Variants in MEIKIN observed in about 807,000 individuals in gnomAD.
The protein encoded by MEIKIN is meiotic kinetochore factor, also known as meiosis-specific kinetochore protein.
intron 8 of MEIKIN, among the ~76,000 whole-genome samples, chr5:131,894,613 G>C (rs528454448): frequency 2.0e-5 from 3 of 152,174 alleles, no homozygotes; most frequent in Admixed American, 1.3e-4. Flanking sequence ...GAGGTCATTT[G>C]CATCCCTTGT....
chr5:131,889,015 A>G (rs1321177863), intron 8 of MEIKIN, among the ~76,000 whole-genome samples: 1 of 152,146 alleles, frequency 6.6e-6, no homozygotes, highest in African/African-American at 2.4e-5. Flanking sequence ...AACATCAGAT[A>G]GTTGTAGATA....
intron 9 of MEIKIN, among the ~76,000 whole-genome samples, chr5:131,876,107 A>C (rs1045070686): frequency 1.3e-5 from 2 of 152,338 alleles, no homozygotes; most frequent in Admixed American, 1.3e-4. Context: ...TGTCTAAAAC[A>C]CCAGAAGCAA....
intron 12 of MEIKIN, among the ~76,000 whole-genome samples, chr5:131,811,663 G>C (rs920379429): frequency 6.6e-6 from 1 of 151,720 alleles, no homozygotes; most frequent in African/African-American, 2.4e-5. Context: ...CTGGAGTGCA[G>C]TGGCACGATC....
intron 9 of MEIKIN, among the ~76,000 whole-genome samples, chr5:131,877,487 A>G (rs1750636135): frequency 6.6e-6 from 1 of 152,094 alleles, no homozygotes; most frequent in African/African-American, 2.4e-5. Flanking sequence ...TACCAAAAAT[A>G]TGAAAATTAG....
At chr5:131,817,548 G>A (rs973070403) in intron 12 of MEIKIN, among the ~76,000 whole-genome samples, 5 of 151,642 alleles carry the variant, frequency 3.3e-5, no homozygotes, top group Non-Finnish European at 5.9e-5. Context: ...CCTGGGAGAC[G>A]GAGCTTGCAG....
At chr5:131,844,664 A>G (rs1749977904) in intron 11 of MEIKIN, among the ~76,000 whole-genome samples, 1 of 152,234 alleles carries the variant, frequency 6.6e-6, no homozygotes, top group African/African-American at 2.4e-5. Flanking sequence ...TGAGGCCAGT[A>G]AAAGAACTAT....
At chr5:131,872,319 G>T (rs1289441106) in intron 9 of MEIKIN, among the ~76,000 whole-genome samples, 7 of 152,242 alleles carry the variant, frequency 4.6e-5, no homozygotes, top group African/African-American at 9.6e-5. Flanking sequence ...TGATGGAGCT[G>T]AAAACCACGG....
chr5:131,835,628 C>G (rs1749792681), intron 11 of MEIKIN, among the ~76,000 whole-genome samples: 1 of 152,148 alleles, frequency 6.6e-6, no homozygotes, highest in South Asian at 2.1e-4. Flanking sequence ...GAGTCTCGCT[C>G]TGTTACCCAG....
rs559586586 is a variant in MEIKIN, at chr5:131,941,956, A to G, written c.349+679T>C. On this transcript the variant is annotated intron_variant, in intron 4 of 12. Transcript: ENST00000442687. Reference sequence around the variant, plus strand: ...ATCAGCACCCTTTTTTCCATCTCCAATGTCACCACCCTAGTAGAAGGCGCC... The same window carrying G: ...ATCAGCACCCTTTTTTCCATCTCCAGTGTCACCACCCTAGTAGAAGGCGCC... Among the ~76,000 whole-genome samples, 3 of 151,994 alleles carry G rather than the reference A, an allele frequency of 2.0e-5. No homozygotes were observed. In the East Asian group the frequency reaches 5.8e-4, roughly 29 times the overall value.
intron 11 of MEIKIN, among the ~76,000 whole-genome samples, chr5:131,847,667 ACAAT>A (rs1750042658): frequency 6.6e-6 from 1 of 152,126 alleles, no homozygotes; most frequent in Non-Finnish European, 1.5e-5. Context: ...TAGAGGACTT[ACAAT>A]CAATTAAGTG....
chr5:131,863,436 A>G (rs1171221507), intron 9 of MEIKIN, among the ~76,000 whole-genome samples: 1 of 151,890 alleles, frequency 6.6e-6, no homozygotes. Context: ...GTCTCTCTTT[A>G]GATCTAGCAA....
intron 5 of MEIKIN, among the ~76,000 whole-genome samples, chr5:131,927,970 C>T (rs1292712832): frequency 1.3e-5 from 2 of 151,678 alleles, no homozygotes; most frequent in East Asian, 1.9e-4. Flanking sequence ...ACGGTGAAAC[C>T]CCGTCTCTAC....
At chr5:131,905,316 T>C (rs925884117) in intron 8 of MEIKIN, among the ~76,000 whole-genome samples, 2 of 152,144 alleles carry the variant, frequency 1.3e-5, no homozygotes, top group Non-Finnish European at 2.9e-5. Flanking sequence ...GGGAAGTTTA[T>C]AGCACTAAAA....
At chr5:131,812,248 G>T (rs1442381081) in intron 12 of MEIKIN, among the ~76,000 whole-genome samples, 1 of 152,088 alleles carries the variant, frequency 6.6e-6, no homozygotes, top group Non-Finnish European at 1.5e-5. Flanking sequence ...ACTTTATATT[G>T]TTGATTTTCA....
chr5:131,850,680 A>G lies in MEIKIN; in HGVS notation c.975+584T>C, dbSNP rs573604212. ...TACTATACACAAAAATTAACTCAAA[A>G]TGGATCAATGACCTAAATACAAGAC... On this transcript the variant is annotated intron_variant, in intron 11 of 12. Coordinates refer to ENST00000442687, the MANE Select transcript of MEIKIN (RefSeq NM_001303622.2). 2.0e-5 allele frequency among the ~76,000 whole-genome samples: 3 copies of G among 152,274 alleles called. No individual in the cohort carries two copies. In the East Asian group the frequency reaches 5.8e-4, roughly 29 times the overall value.
chr5:131,837,424 T>C lies in MEIKIN; in HGVS notation c.975+13840A>G, dbSNP rs1749828896. Among the ~76,000 whole-genome samples the C allele has an allele frequency of 3.3e-5, 5 of 152,322 alleles. No individual in the cohort carries two copies. In the South Asian group the frequency reaches 8.3e-4, roughly 25 times the overall value. On this transcript the variant is annotated intron_variant, in intron 11 of 12. Transcript: ENST00000442687. ...CATTGGCACTTTGACAGGAATAGCA[T>C]TGAATCTATAAATTGCTTTGGGTAC... is the stretch of plus-strand genomic sequence containing the variant.
intron 8 of MEIKIN, among the ~76,000 whole-genome samples, chr5:131,907,182 G>A (rs1165870929): frequency 6.6e-6 from 1 of 152,006 alleles, no homozygotes; most frequent in Non-Finnish European, 1.5e-5. Flanking sequence ...ACAGGCTACA[G>A]TGAAAGCAGT....
intron 9 of MEIKIN, among the ~76,000 whole-genome samples, chr5:131,861,814 G>T (rs559088949): frequency 6.6e-6 from 1 of 152,208 alleles, no homozygotes; most frequent in Admixed American, 6.5e-5. Context: ...CTTAATCAGG[G>T]TGTTTTATCT....
chr5:131,896,267 T>A (rs967014792), intron 8 of MEIKIN, among the ~76,000 whole-genome samples: 2 of 152,204 alleles, frequency 1.3e-5, no homozygotes, highest in Non-Finnish European at 2.9e-5. Context: ...GTGTGATTTC[T>A]GTTCTTTTTC....
Sources: gnomAD v4.1 joint callset for allele counts (sites outside exome capture counted in the v4.1 genomes callset) on GRCh38, gnomAD v4.1.1 for gene constraint, MANE v1.5 for transcripts, NCBI Gene and HGNC (gene_info 2026-07-23, HGNC 2026-07-21) for gene names.